Variants in KLRG1 observed in about 807,000 individuals in gnomAD.
The protein encoded by KLRG1 is killer cell lectin-like receptor subfamily G member 1.
Under a neutral mutation model 21.8 loss-of-function variants are expected in KLRG1, and 16 were observed. The observed-to-expected ratio is 0.73, with a 90% confidence interval of 0.50 to 1.11. The LOEUF (loss-of-function observed/expected upper bound fraction) is 1.11, where lower values mean the gene tolerates loss of function less well. Among genes scored for constraint, KLRG1 ranks in the 50% most tolerant of loss-of-function variants. KLRG1 has a pLI of 0.00. For synonymous variants in KLRG1, 69 were observed against 75.9 expected, an observed-to-expected ratio of 0.91 and a Z score of 0.47; for missense variants, 173 against 218.3, an observed-to-expected ratio of 0.79 and a Z score of 1.31.
chr12:9,203,625 G>A, the KLRG1 span: 1 of 935,082 alleles, frequency 1.1e-6, no homozygotes, highest in Non-Finnish European at 1.6e-6. Context: ...ACAGGCGTGA[G>A]CCACCGCACC....
the KLRG1 span, among the ~76,000 whole-genome samples, chr12:9,060,706 C>A: frequency 2.6e-5 from 4 of 152,134 alleles, no homozygotes; most frequent in East Asian, 3.8e-4. Context: ...TTAATTAAAT[C>A]TTTATTGATG....
the KLRG1 span, among the ~76,000 whole-genome samples, chr12:9,031,414 G>C: frequency 6.6e-6 from 1 of 152,168 alleles, no homozygotes; most frequent in African/African-American, 2.4e-5. Context: ...GGGCTCAGGA[G>C]GACTTACCCG....
At chr12:9,041,767 A>T in the KLRG1 span, among the ~76,000 whole-genome samples, 1 of 152,194 alleles carries the variant, frequency 6.6e-6, no homozygotes, top group Non-Finnish European at 1.5e-5. Flanking sequence ...TCTAGCTATC[A>T]TCTAACTGCT....
the KLRG1 span, among the ~76,000 whole-genome samples, chr12:9,173,527 A>G: frequency 1.9e-4 from 29 of 152,182 alleles, 1 homozygote; most frequent in Admixed American, 2.6e-4. Flanking sequence ...AAAAACAATG[A>G]ATCCAGGAGC....
At chr12:9,089,326 G>T in the KLRG1 span, 1 of 1,028,562 alleles carries the variant, frequency 9.7e-7, no homozygotes, top group Non-Finnish European at 1.5e-6. Flanking sequence ...AGGGACCACA[G>T]ATATTTGGAT....
chr12:9,186,297 A>G, the KLRG1 span, among the ~76,000 whole-genome samples: 1 of 152,220 alleles, frequency 6.6e-6, no homozygotes, highest in Admixed American at 6.5e-5. Context: ...ACGAGCCACT[A>G]CATAACCACA....
At chr12:9,013,265 C>G (rs1231080928), downstream of KLRG1, among the ~76,000 whole-genome samples, 2 of 152,056 alleles carry the variant, frequency 1.3e-5, no homozygotes, top group Non-Finnish European at 2.9e-5. Context: ...ACAAACAAAC[C>G]CAGACTGCAA....
At chr12:9,177,812 G>A in the KLRG1 span, among the ~76,000 whole-genome samples, 1 of 152,138 alleles carries the variant, frequency 6.6e-6, no homozygotes, top group African/African-American at 2.4e-5. Flanking sequence ...TTAAATTTAT[G>A]TGACTAAAAG....
At chr12:9,007,978 G>A (rs1642828337) in intron 3 of KLRG1, among the ~76,000 whole-genome samples, 1 of 151,776 alleles carries the variant, frequency 6.6e-6, no homozygotes, top group Non-Finnish European at 1.5e-5. Flanking sequence ...AATTCTCTTT[G>A]GATATAAACT....
intron 2 of KLRG1, among the ~76,000 whole-genome samples, chr12:8,993,888 T>C (rs969285715): frequency 1.3e-5 from 2 of 152,140 alleles, no homozygotes; most frequent in African/African-American, 4.8e-5. Flanking sequence ...TATTCTGCAA[T>C]TATATATCTA....
chr12:9,101,498 A>C, the KLRG1 span: 1 of 1,613,920 alleles, frequency 6.2e-7, no homozygotes, highest in South Asian at 1.1e-5. Context: ...CTCCATTCAG[A>C]ATATAATGTG....
chr12:9,148,043 A>G, the KLRG1 span, among the ~76,000 whole-genome samples: 1 of 151,896 alleles, frequency 6.6e-6, no homozygotes, highest in East Asian at 1.9e-4. Flanking sequence ...CTCTCATGCC[A>G]TTTGATTTTA....
At chr12:9,194,604 A>C in the KLRG1 span, among the ~76,000 whole-genome samples, 2 of 151,752 alleles carry the variant, frequency 1.3e-5, no homozygotes, top group Admixed American at 1.3e-4. Context: ...AGCTGGGACT[A>C]CAGGCGCCCG....
At chr12:9,001,240 A>G (rs905826858) in intron 3 of KLRG1, among the ~76,000 whole-genome samples, 2 of 152,146 alleles carry the variant, frequency 1.3e-5, no homozygotes, top group African/African-American at 4.8e-5. Context: ...TGTATTGTAA[A>G]TTTTTTTCAA....
chr12:9,069,900 A>G, the KLRG1 span: 1 of 1,105,336 alleles, frequency 9.0e-7, no homozygotes, highest in African/African-American at 1.5e-5. Flanking sequence ...TTGCCAAAAT[A>G]ACCCTGAGGG....
At chr12:9,187,927 C>T in the KLRG1 span, among the ~76,000 whole-genome samples, 2 of 152,234 alleles carry the variant, frequency 1.3e-5, no homozygotes, top group Non-Finnish European at 2.9e-5. Flanking sequence ...TGTAAAGTTG[C>T]TACCAGCCTG....
chr12:9,028,151 T>TC, the KLRG1 span: 43,329 of 498,388 alleles, frequency 0.087, 910 homozygotes, highest in African/African-American at 0.18. Context: ...GTCTTCTTCT[T>TC]TTTTTTTTTT....
At chr12:8,975,584 G>T (rs1298875326) in intron 1 of KLRG1, among the ~76,000 whole-genome samples, 3 of 150,954 alleles carry the variant, frequency 2.0e-5, no homozygotes, top group African/African-American at 7.3e-5. Context: ...TTTCTTTTGA[G>T]ACAGGGTCTT....
chr12:9,001,567 AT>A (rs1184007726), intron 3 of KLRG1, among the ~76,000 whole-genome samples: 3 of 152,146 alleles, frequency 2.0e-5, no homozygotes, highest in Middle Eastern at 3.4e-3. Flanking sequence ...CCCTCATAAA[AT>A]CTCCATCTCT....
Sources: allele counts gnomAD v4.1 joint callset (sites outside exome capture counted in the v4.1 genomes callset), GRCh38; gene constraint gnomAD v4.1.1; transcripts MANE v1.5; gene names NCBI Gene and HGNC (gene_info 2026-07-23, HGNC 2026-07-21).